Variants in GRID2 observed in about 807,000 individuals in gnomAD.
The protein encoded by GRID2 is glutamate receptor ionotropic, delta-2.
A neutral mutation model predicts 114.8 loss-of-function variants in GRID2; 33 were observed. The ratio of observed to expected loss-of-function variants is 0.29; its 90% CI spans 0.22 to 0.38. The LOEUF is 0.38. Ranked by LOEUF, GRID2 falls within the 10% of genes least tolerant of loss-of-function variation. The probability of loss-of-function intolerance (pLI) is 1.00; values close to 1 mark genes in which losing one functional copy is unlikely to be tolerated. For missense variants in GRID2, 1,184 were observed against 1,257.7 expected, an observed-to-expected ratio of 0.94 and a Z score of 0.89; for synonymous variants, 505 against 449.9, an observed-to-expected ratio of 1.12 and a Z score of -1.55.
chr4:93,446,395 A>G (rs1306640256), intron 10 of GRID2, among the ~76,000 whole-genome samples: 1 of 152,080 alleles, frequency 6.6e-6, no homozygotes, highest in East Asian at 1.9e-4. Flanking sequence ...AGTACATTGC[A>G]AAGGGGCAGG....
At chr4:93,287,494 T>C (rs903119866) in intron 8 of GRID2, among the ~76,000 whole-genome samples, 3 of 152,172 alleles carry the variant, frequency 2.0e-5, no homozygotes, top group Admixed American at 6.5e-5. Context: ...ATCATAACTC[T>C]AGTAGTGCTA....
chr4:92,845,892 AT>A (rs1188023325), intron 2 of GRID2, among the ~76,000 whole-genome samples: 2 of 152,082 alleles, frequency 1.3e-5, no homozygotes, highest in African/African-American at 4.8e-5. Flanking sequence ...ATATTCGACA[AT>A]GTCTCTTCCA....
At chr4:92,905,146 G>T (rs1747852415) in intron 2 of GRID2, among the ~76,000 whole-genome samples, 1 of 151,808 alleles carries the variant, frequency 6.6e-6, no homozygotes, top group Non-Finnish European at 1.5e-5. Flanking sequence ...TTCCCCTAAG[G>T]ACAAAAATTT....
intron 10 of GRID2, among the ~76,000 whole-genome samples, chr4:93,453,055 C>T (rs945698359): frequency 7.3e-6 from 1 of 136,076 alleles, no homozygotes; most frequent in Non-Finnish European, 1.6e-5. Flanking sequence ...CACCCCACAA[C>T]AGGCCCCGGT....
intron 4 of GRID2, among the ~76,000 whole-genome samples, chr4:93,198,194 A>G (rs1224752704): frequency 6.6e-6 from 1 of 152,210 alleles, no homozygotes; most frequent in Non-Finnish European, 1.5e-5. Context: ...ACCAGTGACC[A>G]AAATGAAGTC....
At chr4:93,367,934 G>A (rs2149286013) in intron 8 of GRID2, among the ~76,000 whole-genome samples, 1 of 152,188 alleles carries the variant, frequency 6.6e-6, no homozygotes. Flanking sequence ...AATTTATCAG[G>A]AGACACCAGT....
At chr4:93,521,247 A>G (rs1354393239) in intron 13 of GRID2, among the ~76,000 whole-genome samples, 6 of 152,174 alleles carry the variant, frequency 3.9e-5, no homozygotes, top group Non-Finnish European at 8.8e-5. Context: ...TTAATATGAA[A>G]TGCTTACTCA....
At chr4:93,512,685 T>C (rs763964562) in intron 12 of GRID2, among the ~76,000 whole-genome samples, 3 of 152,212 alleles carry the variant, frequency 2.0e-5, no homozygotes, top group Non-Finnish European at 4.4e-5. Flanking sequence ...ACTTGAAGTA[T>C]GTTGAATATA....
chr4:92,537,160 T>C (rs1579538539), intron 1 of GRID2, among the ~76,000 whole-genome samples: 2 of 152,344 alleles, frequency 1.3e-5, no homozygotes, highest in East Asian at 3.9e-4. Context: ...ACAACTTTTT[T>C]CTTGACAAAT....
At chr4:92,781,507 ACG>A (rs1739075231) in intron 2 of GRID2, among the ~76,000 whole-genome samples, 1 of 152,106 alleles carries the variant, frequency 6.6e-6, no homozygotes, top group East Asian at 1.9e-4. Flanking sequence ...GTGATAAAAT[ACG>A]CATTAATCTT....
chr4:92,879,968 A>G (rs1023738337), intron 2 of GRID2, among the ~76,000 whole-genome samples: 2 of 152,158 alleles, frequency 1.3e-5, no homozygotes, highest in African/African-American at 4.8e-5. Context: ...AAAATTGTGT[A>G]TTTATAATTT....
At chr4:92,894,049 G>T (rs987495513) in intron 2 of GRID2, among the ~76,000 whole-genome samples, 1 of 152,114 alleles carries the variant, frequency 6.6e-6, no homozygotes, top group Non-Finnish European at 1.5e-5. Context: ...AAGCTAGCAA[G>T]TCTTTTGGTT....
chr4:92,666,579 G>T (rs990691323), intron 2 of GRID2, among the ~76,000 whole-genome samples: 3 of 145,036 alleles, frequency 2.1e-5, no homozygotes, highest in South Asian at 2.2e-4. Context: ...TTTTGATTTG[G>T]TTTGTTTTGT....
chr4:93,722,959 C>A (rs1041945410), intron 14 of GRID2, among the ~76,000 whole-genome samples: 2 of 152,182 alleles, frequency 1.3e-5, no homozygotes, highest in African/African-American at 2.4e-5. Context: ...CAGGTTATCC[C>A]ACTCCAACTT....
At chr4:92,567,841 C>T (rs541483087) in intron 1 of GRID2, among the ~76,000 whole-genome samples, 9 of 151,950 alleles carry the variant, frequency 5.9e-5, no homozygotes, top group Admixed American at 2.0e-4. Flanking sequence ...ACCTAATATG[C>T]GATGAACACA....
intron 2 of GRID2, among the ~76,000 whole-genome samples, chr4:92,601,050 C>G (rs1729196028): frequency 6.6e-6 from 1 of 151,716 alleles, no homozygotes; most frequent in South Asian, 2.1e-4. Context: ...CCCAGAGAGA[C>G]CAGAGCTCTG....
chr4:92,615,424 C>T (rs529866506), intron 2 of GRID2, among the ~76,000 whole-genome samples: 2 of 151,572 alleles, frequency 1.3e-5, no homozygotes, highest in African/African-American at 4.8e-5. Flanking sequence ...CAATTCAGTT[C>T]ATAATATCAG....
intron 2 of GRID2, among the ~76,000 whole-genome samples, chr4:92,904,549 G>A (rs1246980978): frequency 6.6e-6 from 1 of 151,642 alleles, no homozygotes; most frequent in Non-Finnish European, 1.5e-5. Flanking sequence ...GGGTGACTGT[G>A]GCAACAGAGT....
At chr4:93,784,097 A>AC (rs1734542640) in intron 1 of GRID2, among the ~76,000 whole-genome samples, 1 of 150,518 alleles carries the variant, frequency 6.6e-6, no homozygotes, top group Non-Finnish European at 1.5e-5. Flanking sequence ...AAAAAAAAAA[A>AC]AACCAACCCT....
Sources: gnomAD v4.1 joint callset for allele counts (sites outside exome capture counted in the v4.1 genomes callset) on GRCh38, gnomAD v4.1.1 for gene constraint, MANE v1.5 for transcripts, NCBI Gene and HGNC (gene_info 2026-07-23, HGNC 2026-07-21) for gene names.